Variants in ANO2 observed in about 807,000 individuals in gnomAD.
ANO2 encodes anoctamin 2, also known as anoctamin-2.
Under a neutral mutation model 124.2 loss-of-function variants are expected in ANO2, and 101 were observed. The observed-to-expected ratio is 0.81, with a 90% CI of 0.69 to 0.96. The LOEUF (loss-of-function observed/expected upper bound fraction) is 0.96. Ranked by LOEUF, ANO2 falls within the 40% of genes least tolerant of loss-of-function variation. The pLI is 0.00. For synonymous variants in ANO2, 486 were observed against 482.5 expected (o/e 1.01, Z -0.09); for missense variants, 1,293 against 1,274.5 (o/e 1.01, Z -0.22).
chr12:5,828,470 C>A (rs1954057454), intron 6 of ANO2, among the ~76,000 whole-genome samples: 2 of 152,234 alleles, frequency 1.3e-5, no homozygotes, highest in African/African-American at 2.4e-5. Context: ...GGAGCTACCT[C>A]TATGTTGGTC....
At chr12:5,654,584 T>A (rs1033719262) in intron 14 of ANO2, among the ~76,000 whole-genome samples, 2 of 152,152 alleles carry the variant, frequency 1.3e-5, no homozygotes, top group Non-Finnish European at 2.9e-5. Flanking sequence ...GGACTTGTAC[T>A]TTGTGATTAT....
chr12:5,861,900 A>G (rs55850637), intron 3 of ANO2, among the ~76,000 whole-genome samples: 2,640 of 152,216 alleles, frequency 0.017, 69 homozygotes, highest in African/African-American at 0.056. Context: ...GAAGGAGGAG[A>G]GTGAGGTGTA....
intron 1 of ANO2, among the ~76,000 whole-genome samples, chr12:5,943,268 AGTGTGTGTTTGTGTGTGTGT>A (rs976361246): frequency 7.1e-5 from 8 of 112,792 alleles, no homozygotes; most frequent in Non-Finnish European, 1.3e-4. Flanking sequence ...TCTGTGTTTG[AGTGTGTGTTTGTGTGTGTGT>A]GTGTGTGTGT....
chr12:5,816,304 A>G (rs887479334), intron 7 of ANO2, among the ~76,000 whole-genome samples: 1 of 140,348 alleles, frequency 7.1e-6, no homozygotes, highest in Non-Finnish European at 1.5e-5. Flanking sequence ...TTGGGGCCTC[A>G]TGGAGTTATC....
intron 10 of ANO2, among the ~76,000 whole-genome samples, chr12:5,774,959 C>T (rs1296874226): frequency 1.3e-5 from 2 of 152,180 alleles, no homozygotes; most frequent in Admixed American, 6.5e-5. Flanking sequence ...AGAAAAAGAA[C>T]ATTTATTGAG....
chr12:5,646,477 T>G (rs1946643054), intron 15 of ANO2, among the ~76,000 whole-genome samples: 1 of 152,320 alleles, frequency 6.6e-6, no homozygotes, highest in East Asian at 1.9e-4. Flanking sequence ...GTCTGCAAAT[T>G]TTTTAAGAGA....
intron 14 of ANO2, among the ~76,000 whole-genome samples, chr12:5,696,495 C>A (rs1949184042): frequency 6.6e-6 from 1 of 152,122 alleles, no homozygotes; most frequent in African/African-American, 2.4e-5. Flanking sequence ...AATCTGCTCA[C>A]AAAACCCAGA....
At chr12:5,768,038 C>A (rs1161563355) in intron 10 of ANO2, among the ~76,000 whole-genome samples, 1 of 152,216 alleles carries the variant, frequency 6.6e-6, no homozygotes, top group African/African-American at 2.4e-5. Context: ...GTGTCCCTCA[C>A]CCTTCCTGAC....
intron 7 of ANO2, among the ~76,000 whole-genome samples, chr12:5,825,719 AGG>A (rs1366703659): frequency 4.6e-5 from 7 of 152,342 alleles, no homozygotes; most frequent in African/African-American, 1.7e-4. Flanking sequence ...AACAGAGGTA[AGG>A]AAGAGTGTAC....
chr12:5,638,409 G>A (rs1173381736), intron 15 of ANO2, among the ~76,000 whole-genome samples: 1 of 143,808 alleles, frequency 7.0e-6, no homozygotes, highest in Non-Finnish European at 1.5e-5. Context: ...CTAATTTTTT[G>A]TATTTTTAGT....
In ANO2 at chr12:5,635,680, A is replaced by C. The variant is rs978374763; in HGVS notation, c.1621-333T>G. On this transcript the variant is annotated intron_variant, in intron 15 of 24. Coordinates refer to ENST00000682330, the MANE Select transcript of ANO2 (RefSeq NM_001364791.2). This position sits in a 1 kb window ranked among gnomAD's most constrained non-coding sequence, Gnocchi z 5.2. Reference sequence around the variant, plus strand: ...TGGAGTGTTCAACACACATGACGCAATTTCTTTCATTAGGGAGCTTTTGAT... The same window carrying C: ...TGGAGTGTTCAACACACATGACGCACTTTCTTTCATTAGGGAGCTTTTGAT... Among the ~76,000 whole-genome samples the C allele has an allele frequency of 6.6e-6, 1 of 151,730 alleles. No individual in the cohort carries two copies. Among genetic ancestry groups the C allele is most frequent in the Non-Finnish European group, 1.5e-5 (1 of 67,946 alleles).
intron 20 of ANO2, among the ~76,000 whole-genome samples, chr12:5,582,420 G>C (rs1387713705): frequency 1.3e-5 from 2 of 152,214 alleles, no homozygotes; most frequent in East Asian, 3.8e-4. Flanking sequence ...TTCTGCATCA[G>C]TGATTTCCTG....
rs182271460 is a variant in ANO2, at chr12:5,895,657, G to A, written c.534+25383C>T. ...CAATAGATGTCAGCATGGATGTGGT[G>A]AAAAGGAACACTTTTACACTGCTGG... On this transcript the variant is annotated intron_variant, in intron 3 of 24. Coordinates refer to ENST00000682330, the MANE Select transcript of ANO2 (RefSeq NM_001364791.2). Among the ~76,000 whole-genome samples the A allele has an allele frequency of 4.5e-3, 684 of 152,252 alleles. 5 individuals carry two copies. The highest frequency in any genetic ancestry group is 3.2e-3 in the Non-Finnish European group (216 of 68,008).
In ANO2 at chr12:5,563,011, ACT is replaced by A. The variant is rs1319546081; in HGVS notation, c.*286_*287del. 2.3e-6 allele frequency: 1 copy of A among 432,286 alleles called. No homozygotes were observed. The highest frequency in any genetic ancestry group is 3.2e-5 in the South Asian group (1 of 31,112). 26.8% of individuals were successfully genotyped at this position (432,286 alleles called of 1,614,324 possible). A position where few individuals can be genotyped will look rare whatever the true frequency, so the allele number is the denominator to read the frequency against. The stretch of plus-strand genomic sequence containing the variant: ...CATGGGAATGCTCGCGGTGCCTGAG[ACT>A]CTGGGGTGGAGAGACCCCAGTGGGG... On this transcript the variant is annotated 3_prime_UTR_variant, in exon 25 of 25. Transcript: ENST00000682330.
At chr12:5,767,421 T>C (rs1364465840) in intron 10 of ANO2, among the ~76,000 whole-genome samples, 1 of 152,138 alleles carries the variant, frequency 6.6e-6, no homozygotes, top group Admixed American at 6.5e-5. Flanking sequence ...AAATCACAAA[T>C]GTTCCTGTCC....
Position 5,781,070 on chromosome 12 carries a change from G to C in ANO2, c.1055+18437C>G, listed in dbSNP as rs563299982. On this transcript the variant is annotated intron_variant, in intron 10 of 24. Coordinates refer to ENST00000682330, the MANE Select transcript of ANO2 (RefSeq NM_001364791.2). ...TGAAGATATGGCTCAGGTAGCAATC[G>C]AGAAGGCTCAAGGCCAGGTGTTCAG... Among the ~76,000 whole-genome samples the C allele has an allele frequency of 6.0e-4, 91 of 152,320 alleles. 2 individuals are homozygous for C. The South Asian group carries it at 0.019, about 31-fold the overall frequency.
At position 5,769,226 on chromosome 12, in the gene ANO2, T is replaced by A. The variant is rs573510738; in HGVS notation, c.1056-18256A>T. ...TCCTCTCTTTAAGAAGGTTTCCAAA[T>A]AAAGAGCCATCGTATGGAGCAAGGG... is the stretch of plus-strand genomic sequence containing the variant. On this transcript the variant is annotated intron_variant, in intron 10 of 24. Coordinates refer to ENST00000682330, the MANE Select transcript of ANO2 (RefSeq NM_001364791.2). This position sits in a 1 kb window ranked among gnomAD's most constrained non-coding sequence, Gnocchi z 4.0. 6.6e-6 allele frequency among the ~76,000 whole-genome samples: 1 copy of A among 152,212 alleles called. No individual in the cohort carries two copies. Among genetic ancestry groups the A allele is most frequent in the Admixed American group, 6.5e-5 (1 of 15,298 alleles).
intron 10 of ANO2, among the ~76,000 whole-genome samples, chr12:5,798,128 A>G (rs1396993202): frequency 1.3e-5 from 2 of 152,128 alleles, no homozygotes; most frequent in Non-Finnish European, 2.9e-5. Flanking sequence ...TGGCCACTTG[A>G]GATCCAGAGA....
Position 5,744,311 on chromosome 12 carries a change from C to G in ANO2, c.1197G>C (p.Glu399Asp), listed in dbSNP as rs374954494. 1.1e-4 allele frequency: 178 copies of G among 1,613,860 alleles called. No individual in the cohort carries two copies. Among genetic ancestry groups the G allele is most frequent in the Non-Finnish European group, 1.5e-4 (174 of 1,179,872 alleles). The change falls in exon 12 of 25, where the codon GAG becomes GAC. Residue 399 changes from glutamate to aspartate, a missense_variant. By Grantham distance (45) the Glu-to-Asp change is conservative. Coordinates refer to ENST00000682330, the MANE Select transcript of ANO2 (RefSeq NM_001364791.2). Reference protein sequence around the residue: ...ATIEEDIPSREMCDQQNAFTM... With the variant: ...ATIEEDIPSRDMCDQQNAFTM... The stretch of plus-strand genomic sequence containing the variant: ...TGAAGGCATTCTGCTGGTCACACAT[C>G]TCTCTGCTGCAATAGATGGAGGTTG...
Sources: allele counts gnomAD v4.1 joint callset (sites outside exome capture counted in the v4.1 genomes callset), GRCh38; gene constraint gnomAD v4.1.1; non-coding constraint Gnocchi (gnomAD v3.1); transcripts MANE v1.5; gene names NCBI Gene and HGNC (gene_info 2026-07-23, HGNC 2026-07-21).